The following PCDHA1 variants were observed in gnomAD, a reference collection of about 807,000 sequenced individuals.
PCDHA1 encodes protocadherin alpha-1.
Under a neutral mutation model 61.3 loss-of-function variants are expected in PCDHA1, and 42 were observed. The observed-to-expected ratio is 0.69, with a 90% CI of 0.54 to 0.89. The LOEUF (loss-of-function observed/expected upper bound fraction) is 0.89, where lower values mean the gene tolerates loss of function less well. Ranked by LOEUF, PCDHA1 falls within the 40% of genes least tolerant of loss-of-function variation. The probability of loss-of-function intolerance (pLI) is 0.00; values close to 1 mark genes in which losing one functional copy is unlikely to be tolerated. For synonymous variants in PCDHA1, 610 were observed against 553.8 expected (o/e 1.10, Z -1.43); for missense variants, 1,256 against 1,235.3 (o/e 1.02, Z -0.25).
At chr5:140,871,735 A>T in intron 1 of PCDHA1, 1 of 686,792 alleles carries the variant, frequency 1.5e-6, no homozygotes, top group Non-Finnish European at 2.3e-6. Context: ...TTTGGTTAGC[A>T]AATCCTAAAA....
intron 1 of PCDHA1, among the ~76,000 whole-genome samples, chr5:140,923,821 G>A (rs1009668330): frequency 1.3e-5 from 2 of 152,148 alleles, no homozygotes; most frequent in African/African-American, 2.4e-5. Flanking sequence ...GAAAATAGAC[G>A]TCAGTGGCAG....
chr5:140,927,008 T>C (rs1482906318), intron 1 of PCDHA1: 1 of 1,612,396 alleles, frequency 6.2e-7, no homozygotes, highest in Admixed American at 1.7e-5. Context: ...GTAGGCAATC[T>C]CTCCGCGGAC....
chr5:140,800,966 A>AT, intron 1 of PCDHA1: 4 of 1,208,646 alleles, frequency 3.3e-6, no homozygotes, highest in Non-Finnish European at 3.2e-6. Context: ...GGAAAAGAAG[A>AT]TACGTTTACA....
At position 140,801,845 on chromosome 5, in the gene PCDHA1, T is replaced by A. The variant is rs781833245; in HGVS notation, c.2394+13161T>A. The A allele has an allele frequency of 9.3e-6, 15 of 1,613,946 alleles. No homozygotes were observed. The Admixed American group carries it at 2.5e-4, about 27-fold the overall frequency. Reference sequence around the variant, plus strand: ...ATTATTTACTAATAACAGCAATTGATGGTGGGAAACCAGAGCTCACTGGCA... The same window carrying A: ...ATTATTTACTAATAACAGCAATTGAAGGTGGGAAACCAGAGCTCACTGGCA... On this transcript the variant is annotated intron_variant, in intron 1 of 3. Transcript: ENST00000504120.
chr5:140,886,659 C>T (rs782545078), intron 1 of PCDHA1, among the ~76,000 whole-genome samples: 4 of 151,858 alleles, frequency 2.6e-5, no homozygotes, highest in African/African-American at 4.8e-5. Context: ...AACCCTGTCT[C>T]TACTAAAAAT....
chr5:140,889,767 C>T (rs539294045), intron 1 of PCDHA1, among the ~76,000 whole-genome samples: 29 of 152,202 alleles, frequency 1.9e-4, no homozygotes, highest in African/African-American at 6.7e-4. Context: ...TGAACTTTGA[C>T]TGGTCTTAAT....
chr5:140,938,944 A>G (rs551824557), intron 1 of PCDHA1, among the ~76,000 whole-genome samples: 2 of 152,236 alleles, frequency 1.3e-5, no homozygotes, highest in South Asian at 2.1e-4. Context: ...TTCCATTCTT[A>G]TAATGCTCTA....
chr5:141,006,105 G>T (rs2098255059), intron 3 of PCDHA1, among the ~76,000 whole-genome samples: 1 of 143,364 alleles, frequency 7.0e-6, no homozygotes. Context: ...ATGGTAAGGA[G>T]TTTTTTTTTT....
intron 1 of PCDHA1, chr5:140,852,586 T>TA (rs1469930347): frequency 1.0e-5 from 9 of 878,452 alleles, no homozygotes; most frequent in Non-Finnish European, 1.1e-5. Flanking sequence ...TTTTTTATTT[T>TA]TTTTTTTTGT....
chr5:140,866,964 C>T (rs1197921114), intron 1 of PCDHA1: 1 of 152,102 alleles, frequency 6.6e-6, no homozygotes, highest in East Asian at 1.9e-4. Flanking sequence ...GAGATGGTGA[C>T]ATCTGAAATA....
intron 1 of PCDHA1, chr5:140,823,085 C>G: frequency 6.2e-7 from 1 of 1,613,970 alleles, no homozygotes; most frequent in South Asian, 1.1e-5. Flanking sequence ...CTGTGGGCCA[C>G]CGCCAGCGTG....
At chr5:141,005,032 T>A (rs1031521338) in intron 3 of PCDHA1, among the ~76,000 whole-genome samples, 2 of 152,228 alleles carry the variant, frequency 1.3e-5, no homozygotes, top group Non-Finnish European at 2.9e-5. Context: ...TAATTGCCCA[T>A]ATGTGATACC....
At chr5:140,908,049 G>A (rs563362239) in intron 1 of PCDHA1, among the ~76,000 whole-genome samples, 19 of 152,210 alleles carry the variant, frequency 1.2e-4, no homozygotes, top group Admixed American at 1.0e-3. Flanking sequence ...TTGCACATCC[G>A]GCCATTTCTC....
chr5:140,828,646 C>T, intron 1 of PCDHA1: 1 of 1,614,158 alleles, frequency 6.2e-7, no homozygotes, highest in Non-Finnish European at 8.5e-7. Context: ...TGAAAATAAA[C>T]AGTGATGACA....
At chr5:141,003,173 G>A (rs782452600) in intron 3 of PCDHA1, among the ~76,000 whole-genome samples, 6 of 152,174 alleles carry the variant, frequency 3.9e-5, no homozygotes, top group Non-Finnish European at 5.9e-5. Context: ...AGTCCCTGAG[G>A]CTCAACTCCA....
intron 3 of PCDHA1, among the ~76,000 whole-genome samples, chr5:141,009,322 G>C (rs2098405890): frequency 6.6e-6 from 1 of 152,206 alleles, no homozygotes. Flanking sequence ...AGCCTGGCAT[G>C]GGAGCTTGTG....
chr5:140,835,824 G>T, intron 1 of PCDHA1: 1 of 1,612,592 alleles, frequency 6.2e-7, no homozygotes, highest in Non-Finnish European at 8.5e-7. Context: ...GTCGGCGGGG[G>T]ACGCGGACGC....
intron 1 of PCDHA1, chr5:140,860,854 C>A (rs1554153872): frequency 1.3e-5 from 2 of 152,236 alleles, no homozygotes; most frequent in African/African-American, 4.8e-5. Flanking sequence ...TCTCCTGCCT[C>A]AGCCTCCGGA....
chr5:140,819,007 T>C (rs1285743975), intron 1 of PCDHA1, among the ~76,000 whole-genome samples: 1 of 152,248 alleles, frequency 6.6e-6, no homozygotes, highest in East Asian at 1.9e-4. Context: ...ACAGAGGATA[T>C]ATAATATGGA....
Sources: gnomAD v4.1 joint callset for allele counts (sites outside exome capture counted in the v4.1 genomes callset) on GRCh38, gnomAD v4.1.1 for gene constraint, MANE v1.5 for transcripts, NCBI Gene and HGNC (gene_info 2026-07-23, HGNC 2026-07-21) for gene names.